Variants in ATL2 observed in about 807,000 individuals in gnomAD.
ATL2 encodes atlastin GTPase 2, also known as atlastin-2.
In ATL2, 31 loss-of-function variants were observed where a neutral mutation model predicts 73.9. The observed-to-expected ratio is 0.42, with a 90% CI of 0.32 to 0.57. The LOEUF (loss-of-function observed/expected upper bound fraction) is 0.57. Ranked by LOEUF, ATL2 falls within the 20% of genes least tolerant of loss-of-function variation. The pLI is 0.14. For missense variants in ATL2, 738 were observed against 702.6 expected (o/e 1.05, Z -0.57); for synonymous variants, 291 against 237.5 (o/e 1.23, Z -2.07).
chr2:38,313,605 C>G (rs528021539), intron 6 of ATL2, among the ~76,000 whole-genome samples: 9 of 152,256 alleles, frequency 5.9e-5, no homozygotes, highest in Non-Finnish European at 1.5e-5. Context: ...GCTATCTAGA[C>G]TGATTATAGA....
At chr2:38,302,418 C>T (rs1667237365) in intron 9 of ATL2, among the ~76,000 whole-genome samples, 1 of 152,118 alleles carries the variant, frequency 6.6e-6, no homozygotes, top group African/African-American at 2.4e-5. Context: ...AGGGAACTTG[C>T]TAGATTTGCC....
intron 2 of ATL2, among the ~76,000 whole-genome samples, chr2:38,333,579 C>T (rs546250241): frequency 1.3e-5 from 2 of 152,076 alleles, no homozygotes; most frequent in South Asian, 4.1e-4. Flanking sequence ...GTTAATGTAA[C>T]CTACTGGAAC....
At chr2:38,300,490 T>A (rs1015361856) in intron 9 of ATL2, 162 bp from the exon 10 acceptor site, 4 of 517,976 alleles carry the variant, frequency 7.7e-6, no homozygotes, top group African/African-American at 5.7e-5. Flanking sequence ...CTATTCTCAA[T>A]ATTATTAAAT....
rs780730002 is a variant in ATL2 at position 38,310,461 on chromosome 2, GAGAC to G, written c.805-18_805-15del. 9.1e-5 allele frequency: 143 copies of G among 1,577,986 alleles called. No homozygotes were observed. The highest frequency in any genetic ancestry group is 1.2e-4 in the Non-Finnish European group (138 of 1,166,026). On this transcript the variant is annotated splice_polypyrimidine_tract_variant and intron_variant, in intron 7 of 12. Coordinates refer to ENST00000378954, the MANE Select transcript of ATL2 (RefSeq NM_001135673.4). ...ATTTTGTTTTACCTGAGGGCGGAGA[GAGAC>G]AGGTGAAATTGTAAACAGAAGAAAG... is the stretch of plus-strand genomic sequence containing the variant.
chr2:38,324,593 T>C (rs1261608126), intron 2 of ATL2, among the ~76,000 whole-genome samples: 1 of 152,178 alleles, frequency 6.6e-6, no homozygotes, highest in East Asian at 1.9e-4. Flanking sequence ...TCCCACCCCA[T>C]GCCCAACTCT....
chr2:38,325,095 C>T (rs549344958), intron 2 of ATL2, among the ~76,000 whole-genome samples: 2 of 152,174 alleles, frequency 1.3e-5, no homozygotes, highest in Non-Finnish European at 2.9e-5. Context: ...GCTAACAAAA[C>T]GGAAGGGGCA....
intron 6 of ATL2, 74 bp downstream of exon 6, chr2:38,314,534 C>G: frequency 9.2e-7 from 1 of 1,087,006 alleles, no homozygotes; most frequent in Non-Finnish European, 1.4e-6. Flanking sequence ...CCTGGTGTCT[C>G]CAAAATTACA....
chr2:38,348,023 T>C (rs974806878), intron 1 of ATL2, among the ~76,000 whole-genome samples: 2 of 151,534 alleles, frequency 1.3e-5, no homozygotes, highest in African/African-American at 4.8e-5. Context: ...CATCTCAGCC[T>C]CCCAAAGTAC....
At chr2:38,305,524 G>C (rs1667404355) in intron 9 of ATL2, among the ~76,000 whole-genome samples, 2 of 151,928 alleles carry the variant, frequency 1.3e-5, no homozygotes, top group South Asian at 4.1e-4. Flanking sequence ...ACTCCAGCCT[G>C]GGCAAAACAG....
chr2:38,354,150 C>A (rs981462035), intron 1 of ATL2: 2 of 422,098 alleles, frequency 4.7e-6, no homozygotes, highest in Non-Finnish European at 9.2e-6. Context: ...CGTGCCACTG[C>A]ACTCCAACCT....
chr2:38,377,418 C>G, upstream of ATL2: 2 of 591,822 alleles, frequency 3.4e-6, no homozygotes, highest in Non-Finnish European at 5.7e-6. Flanking sequence ...CCGCCTGTAT[C>G]TCCTCGCCCT....
chr2:38,340,383 C>T (rs1573526475), intron 2 of ATL2, among the ~76,000 whole-genome samples: 1 of 151,294 alleles, frequency 6.6e-6, no homozygotes, highest in East Asian at 1.9e-4. Flanking sequence ...AAGCACACCC[C>T]TAAATAAGCA....
intron 1 of ATL2, among the ~76,000 whole-genome samples, chr2:38,355,703 C>T (rs923741865): frequency 6.6e-5 from 9 of 136,892 alleles, no homozygotes; most frequent in South Asian, 2.3e-4. Flanking sequence ...TTGTTTGGTT[C>T]TTTTTTTTTT....
intron 6 of ATL2, 66 bp downstream of exon 6, chr2:38,314,542 A>G (rs1667927232): frequency 8.5e-7 from 1 of 1,181,720 alleles, no homozygotes; most frequent in Non-Finnish European, 1.2e-6. Context: ...CTCCAAAATT[A>G]CAAACTGAGG....
intron 9 of ATL2, among the ~76,000 whole-genome samples, chr2:38,304,193 C>T (rs147429149): frequency 1.6e-4 from 25 of 152,292 alleles, no homozygotes; most frequent in Non-Finnish European, 2.9e-4. Context: ...AGTTCCAACA[C>T]ATCTGGGAGT....
At chr2:38,343,178 AGATATAGTTCTGG>A in intron 2 of ATL2, 77 bp downstream of exon 2, 19 of 341,262 alleles carry the variant, frequency 5.6e-5, no homozygotes, top group Non-Finnish European at 9.1e-5. Flanking sequence ...AAAAAAAAAA[AGATATAGTTCTGG>A]TTTTTGTCTA....
intron 4 of ATL2, among the ~76,000 whole-genome samples, chr2:38,317,756 C>G (rs557365509): frequency 2.4e-4 from 36 of 151,918 alleles, no homozygotes; most frequent in South Asian, 1.2e-3. Context: ...GTCTGGTAGC[C>G]ATCTATCTGA....
intron 2 of ATL2, 57 bp downstream of exon 2, chr2:38,343,211 C>T (rs953199422): frequency 2.7e-6 from 2 of 729,148 alleles, no homozygotes; most frequent in African/African-American, 2.2e-5. Context: ...ATTTTTTTAA[C>T]AGGCATGGTT....
At chr2:38,316,564 C>G (rs1668035156) in intron 4 of ATL2, among the ~76,000 whole-genome samples, 1 of 127,428 alleles carries the variant, frequency 7.8e-6, no homozygotes. Context: ...AGAAAACTAC[C>G]CCCCCCACCC....
Sources: allele counts gnomAD v4.1 joint callset (sites outside exome capture counted in the v4.1 genomes callset), GRCh38; gene constraint gnomAD v4.1.1; transcripts MANE v1.5; gene names NCBI Gene and HGNC (gene_info 2026-07-23, HGNC 2026-07-21).